Variants in DAB1 observed in about 807,000 individuals in gnomAD.
DAB1 encodes disabled homolog 1.
In DAB1, 15 loss-of-function variants were observed where a neutral mutation model predicts 64.6. That is an observed-to-expected ratio of 0.23 (90% CI 0.16 to 0.36). DAB1 has a LOEUF of 0.36. Among genes scored for constraint, DAB1 ranks in the 10% least tolerant of loss-of-function variants. The probability of loss-of-function intolerance (pLI) is 1.00; values close to 1 mark genes in which losing one functional copy is unlikely to be tolerated. For missense variants in DAB1, 596 were observed against 706.7 expected (o/e 0.84, Z 1.78); for synonymous variants, 235 against 251.9 (o/e 0.93, Z 0.64).
intron 14 of DAB1, among the ~76,000 whole-genome samples, chr1:56,998,791 C>T (rs1645731995): frequency 6.6e-6 from 1 of 151,948 alleles, no homozygotes; most frequent in Admixed American, 6.5e-5. Context: ...TTTGCCTGCA[C>T]CCAGGGGGCT....
At chr1:57,518,708 A>G (rs1305495357) in intron 7 of DAB1, among the ~76,000 whole-genome samples, 1 of 152,162 alleles carries the variant, frequency 6.6e-6, no homozygotes. Flanking sequence ...CCCCACCTGC[A>G]CACAAGAACT....
intron 3 of DAB1, among the ~76,000 whole-genome samples, chr1:58,404,777 G>T (rs1644601404): frequency 6.6e-6 from 1 of 152,160 alleles, no homozygotes; most frequent in African/African-American, 2.4e-5. Context: ...ACACAGGGTG[G>T]CTAGGAAGAT....
At chr1:57,303,249 T>C (rs746076958) in intron 1 of DAB1, among the ~76,000 whole-genome samples, 5 of 152,184 alleles carry the variant, frequency 3.3e-5, no homozygotes, top group Admixed American at 6.5e-5. Context: ...GTAGACAGAA[T>C]GGTGACCCCC....
At chr1:57,593,945 C>T (rs933834775) in intron 7 of DAB1, among the ~76,000 whole-genome samples, 4 of 152,164 alleles carry the variant, frequency 2.6e-5, no homozygotes, top group African/African-American at 4.8e-5. Context: ...ATTATGGTTA[C>T]GGAGAAAGCT....
At chr1:58,401,602 C>CTTTGA (rs991374768) in intron 3 of DAB1, among the ~76,000 whole-genome samples, 3 of 152,174 alleles carry the variant, frequency 2.0e-5, no homozygotes, top group Non-Finnish European at 2.9e-5. Flanking sequence ...TTTGAGAAGG[C>CTTTGA]GTGGACTTTT....
At chr1:57,763,548 G>T (rs1317458915) in intron 6 of DAB1, among the ~76,000 whole-genome samples, 1 of 152,108 alleles carries the variant, frequency 6.6e-6, no homozygotes, top group East Asian at 1.9e-4. Context: ...GTGTGGTGGT[G>T]TATCCCTATA....
chr1:57,480,755 G>A (rs976770626), intron 7 of DAB1, among the ~76,000 whole-genome samples: 4 of 152,100 alleles, frequency 2.6e-5, no homozygotes, highest in African/African-American at 7.2e-5. Context: ...AAAGTGTTGC[G>A]ATTATAGGCA....
intron 5 of DAB1, among the ~76,000 whole-genome samples, chr1:58,037,188 C>G (rs1204152886): frequency 6.6e-6 from 1 of 152,122 alleles, no homozygotes; most frequent in Non-Finnish European, 1.5e-5. Flanking sequence ...GTATCAGAAC[C>G]CCCTTTGCCT....
intron 3 of DAB1, among the ~76,000 whole-genome samples, chr1:58,392,666 G>A (rs911688464): frequency 2.6e-5 from 4 of 152,136 alleles, no homozygotes; most frequent in African/African-American, 9.7e-5. Context: ...CATCTCAAAC[G>A]AAATGTGGGG....
At chr1:57,020,346 T>C (rs1557560470) in intron 11 of DAB1, among the ~76,000 whole-genome samples, 2 of 152,226 alleles carry the variant, frequency 1.3e-5, no homozygotes, top group Non-Finnish European at 2.9e-5. Context: ...CCAGGAACTG[T>C]TGTACCTATT....
At chr1:57,856,236 C>T (rs1004512113) in intron 1 of DAB1, among the ~76,000 whole-genome samples, 8 of 152,008 alleles carry the variant, frequency 5.3e-5, no homozygotes, top group Admixed American at 1.3e-4. Flanking sequence ...AGATCATGCC[C>T]GCCTTATAGA....
chr1:57,039,531 A>G (rs1647448196), intron 9 of DAB1, among the ~76,000 whole-genome samples: 1 of 152,168 alleles, frequency 6.6e-6, no homozygotes, highest in Non-Finnish European at 1.5e-5. Flanking sequence ...GCTCAGTCAA[A>G]GCAGCTCCTA....
intron 3 of DAB1, among the ~76,000 whole-genome samples, chr1:58,462,053 G>T (rs1645247457): frequency 6.6e-6 from 1 of 151,472 alleles, no homozygotes; most frequent in Admixed American, 6.6e-5. Context: ...ACTTACCCAA[G>T]GACTCAGGGG....
intron 1 of DAB1, among the ~76,000 whole-genome samples, chr1:57,298,293 G>A (rs1308545232): frequency 6.6e-6 from 1 of 152,166 alleles, no homozygotes; most frequent in Non-Finnish European, 1.5e-5. Context: ...GCTGCTGTAG[G>A]TGTGAAAGGT....
intron 4 of DAB1, among the ~76,000 whole-genome samples, chr1:58,322,231 T>C (rs1662701695): frequency 6.6e-6 from 1 of 151,964 alleles, no homozygotes; most frequent in Non-Finnish European, 1.5e-5. Context: ...AAAGCCAAAA[T>C]AGACAAATGG....
chr1:57,890,534 T>C (rs971267762), intron 5 of DAB1, among the ~76,000 whole-genome samples: 2 of 151,246 alleles, frequency 1.3e-5, no homozygotes, highest in African/African-American at 2.4e-5. Context: ...TGGCTCACTG[T>C]AGTCTTGAAC....
chr1:57,155,536 T>C (rs753219833), intron 2 of DAB1, among the ~76,000 whole-genome samples: 15 of 152,076 alleles, frequency 9.9e-5, no homozygotes, highest in Non-Finnish European at 2.2e-4. Context: ...TTTTTTGTGG[T>C]TCCATATAAA....
intron 7 of DAB1, among the ~76,000 whole-genome samples, chr1:57,498,319 G>A (rs933509344): frequency 6.6e-6 from 1 of 152,184 alleles, no homozygotes; most frequent in East Asian, 1.9e-4. Context: ...TGTAGATGTG[G>A]AAAGTCTGAG....
At chr1:57,056,284 G>A (rs1052956996) in intron 9 of DAB1, among the ~76,000 whole-genome samples, 10 of 150,326 alleles carry the variant, frequency 6.7e-5, no homozygotes, top group Admixed American at 2.0e-4. Flanking sequence ...GGATTGCTTC[G>A]GGCCAGGAAT....
Sources: gnomAD v4.1 joint callset for allele counts (sites outside exome capture counted in the v4.1 genomes callset) on GRCh38, gnomAD v4.1.1 for gene constraint, MANE v1.5 for transcripts, NCBI Gene and HGNC (gene_info 2026-07-23, HGNC 2026-07-21) for gene names.